The following PARD3B variants were observed in gnomAD, a reference collection of about 807,000 sequenced individuals.
PARD3B encodes par-3 family cell polarity regulator beta.
PARD3B carries 103 observed loss-of-function variants against 130.2 expected under a neutral mutation model. That is an observed-to-expected ratio of 0.79 (90% CI 0.67 to 0.93). The LOEUF (loss-of-function observed/expected upper bound fraction) is 0.93, where lower values mean the gene tolerates loss of function less well. PARD3B is among the 40% of genes least tolerant of loss of function. The probability of loss-of-function intolerance (pLI) is 0.00; values close to 1 mark genes in which losing one functional copy is unlikely to be tolerated. For synonymous variants in PARD3B, 583 were observed against 553.2 expected (o/e 1.05, Z -0.76); for missense variants, 1,609 against 1,499.2 (o/e 1.07, Z -1.21).
intron 22 of PARD3B, among the ~76,000 whole-genome samples, 155 bp downstream of exon 22, chr2:205,553,558 T>C (rs1425793170): frequency 6.6e-6 from 1 of 152,190 alleles, no homozygotes; most frequent in Admixed American, 6.5e-5. Context: ...TCTTCACAAA[T>C]GTGCTAATAA....
intron 2 of PARD3B, among the ~76,000 whole-genome samples, chr2:204,687,142 G>A (rs2037123429): frequency 6.6e-6 from 1 of 151,958 alleles, no homozygotes. Flanking sequence ...ACATTTTTGT[G>A]TTTTACCTAA....
chr2:205,329,691 T>G (rs1462607948), intron 18 of PARD3B, among the ~76,000 whole-genome samples: 1 of 152,148 alleles, frequency 6.6e-6, no homozygotes, highest in Non-Finnish European at 1.5e-5. Context: ...TGAGGAAATA[T>G]GTATAAGAAA....
intron 3 of PARD3B, among the ~76,000 whole-genome samples, chr2:204,995,374 A>T (rs868469297): frequency 8.2e-5 from 12 of 147,036 alleles, no homozygotes; most frequent in African/African-American, 3.0e-4. Context: ...TTCTGGGTTG[A>T]AAATTCTTTT....
chr2:204,835,476 T>TA (rs1474327605), intron 2 of PARD3B, among the ~76,000 whole-genome samples: 2 of 152,154 alleles, frequency 1.3e-5, no homozygotes, highest in Non-Finnish European at 2.9e-5. Flanking sequence ...CCCCTCTCCT[T>TA]ATGCCTCTCT....
Position 205,356,616 on chromosome 2 carries a change from C to T in PARD3B, c.2631-44397C>T, listed in dbSNP as rs1327876477. Among the ~76,000 whole-genome samples the T allele has an allele frequency of 2.6e-5, 4 of 152,234 alleles. No individual in the cohort carries two copies. In the East Asian group the frequency reaches 5.8e-4, roughly 22 times the overall value. ...ATAAAAGAATATCATTCTGGCCAGCCGTGATGGCTAACGCCTATAAACCCA... is the reference window on the plus strand; with the variant it reads ...ATAAAAGAATATCATTCTGGCCAGCTGTGATGGCTAACGCCTATAAACCCA... On this transcript the variant is annotated intron_variant, in intron 18 of 22. Transcript: ENST00000406610.
At chr2:204,692,649 A>G (rs750320837) in intron 2 of PARD3B, among the ~76,000 whole-genome samples, 1 of 152,030 alleles carries the variant, frequency 6.6e-6, no homozygotes, top group Non-Finnish European at 1.5e-5. Flanking sequence ...TTTTCCTTCA[A>G]AAAGTCTTAC....
chr2:205,522,361 C>CATTCTTGATCA (rs1168161553), intron 21 of PARD3B, among the ~76,000 whole-genome samples: 600 of 151,288 alleles, frequency 4.0e-3, no homozygotes, highest in African/African-American at 0.014. Context: ...ATCTTTAAAT[C>CATTCTTGATCA]AAGGAATTAG....
At chr2:204,680,091 G>T (rs561157492) in intron 1 of PARD3B, among the ~76,000 whole-genome samples, 1 of 151,970 alleles carries the variant, frequency 6.6e-6, no homozygotes, top group South Asian at 2.1e-4. Context: ...AAAGCTGAGA[G>T]AATTTTTCTC....
intron 2 of PARD3B, among the ~76,000 whole-genome samples, chr2:204,734,941 AG>A (rs1033825878): frequency 1.2e-4 from 18 of 152,034 alleles, no homozygotes; most frequent in Non-Finnish European, 2.1e-4. Flanking sequence ...GTGGTATTTG[AG>A]GGGAAAAGAG....
intron 20 of PARD3B, among the ~76,000 whole-genome samples, chr2:205,468,965 A>G (rs1481625494): frequency 1.4e-5 from 2 of 147,580 alleles, no homozygotes; most frequent in South Asian, 2.2e-4. Context: ...TTTCCCCTCT[A>G]TCTTTTTTTT....
intron 2 of PARD3B, among the ~76,000 whole-genome samples, chr2:204,724,908 A>T (rs1004674164): frequency 1.3e-5 from 2 of 151,974 alleles, no homozygotes; most frequent in South Asian, 4.2e-4. Flanking sequence ...GTGATAGAGA[A>T]CTAGAACTGA....
intron 21 of PARD3B, among the ~76,000 whole-genome samples, chr2:205,504,344 A>G (rs1159411501): frequency 6.6e-6 from 1 of 152,212 alleles, no homozygotes; most frequent in Non-Finnish European, 1.5e-5. Context: ...CAAGGACTTC[A>G]TGTCTAAAAC....
chr2:205,221,038 G>C (rs1024501362), intron 15 of PARD3B, among the ~76,000 whole-genome samples: 1 of 152,172 alleles, frequency 6.6e-6, no homozygotes, highest in African/African-American at 2.4e-5. Flanking sequence ...CTTTAAGCAA[G>C]GGGCTATTAT....
At chr2:205,199,122 T>G (rs1377997221) in intron 15 of PARD3B, among the ~76,000 whole-genome samples, 1 of 152,180 alleles carries the variant, frequency 6.6e-6, no homozygotes, top group Non-Finnish European at 1.5e-5. Flanking sequence ...ATAGAGAATG[T>G]TCTTTCATTA....
intron 2 of PARD3B, among the ~76,000 whole-genome samples, chr2:204,686,881 G>A (rs1250030814): frequency 1.3e-5 from 2 of 152,134 alleles, no homozygotes; most frequent in Non-Finnish European, 2.9e-5. Flanking sequence ...ACTATACAGA[G>A]GAAGGTGTGA....
At chr2:205,067,095 C>CTTTTTTTTTTTTTTTTTTTTTTTTTT (rs10672449) in intron 4 of PARD3B, among the ~76,000 whole-genome samples, 6 of 59,712 alleles carry the variant, frequency 1.0e-4, no homozygotes, top group African/African-American at 2.9e-4. Flanking sequence ...TTTTACTAGG[C>CTTTTTTTTTTTTTTTTTTTTTTTTTT]TTTTTTTTTT....
intron 1 of PARD3B, among the ~76,000 whole-genome samples, chr2:204,679,958 T>C (rs2036744969): frequency 6.6e-6 from 1 of 152,100 alleles, no homozygotes; most frequent in South Asian, 2.1e-4. Context: ...ATGTTTAAGA[T>C]TTTTACCTAC....
chr2:205,239,345 T>C (rs2039247919), intron 15 of PARD3B, among the ~76,000 whole-genome samples: 1 of 152,208 alleles, frequency 6.6e-6, no homozygotes, highest in African/African-American at 2.4e-5. Context: ...TGAACCTTCA[T>C]GTCTGTCTGA....
At chr2:205,000,457 T>G (rs1694739315) in intron 3 of PARD3B, among the ~76,000 whole-genome samples, 1 of 152,210 alleles carries the variant, frequency 6.6e-6, no homozygotes, top group Non-Finnish European at 1.5e-5. Flanking sequence ...CCATGTTTGT[T>G]ATATTATGTT....
Sources: allele counts gnomAD v4.1 joint callset (sites outside exome capture counted in the v4.1 genomes callset), GRCh38; gene constraint gnomAD v4.1.1; transcripts MANE v1.5; gene names NCBI Gene and HGNC (gene_info 2026-07-23, HGNC 2026-07-21).